SHISA6: variants seen among roughly 807,000 people sequenced by gnomAD.
SHISA6 encodes the protein protein shisa-6.
SHISA6 carries 22 observed loss-of-function variants against 47.9 expected under a neutral mutation model. The observed-to-expected ratio is 0.46, with a 90% CI of 0.33 to 0.66. SHISA6 has a LOEUF of 0.66. Ranked by LOEUF, SHISA6 falls within the 30% of genes least tolerant of loss-of-function variation. The pLI is 0.02. For missense variants in SHISA6, 680 were observed against 764.6 expected (o/e 0.89, Z 1.30); for synonymous variants, 388 against 337.8 (o/e 1.15, Z -1.63).
chr17:11,441,040 C>G (rs968565883), intron 3 of SHISA6, among the ~76,000 whole-genome samples: 9 of 152,134 alleles, frequency 5.9e-5, no homozygotes, highest in African/African-American at 2.2e-4. Flanking sequence ...AAGGTAGTCA[C>G]TCACTGCCAC....
intron 3 of SHISA6, among the ~76,000 whole-genome samples, chr17:11,467,032 G>A (rs1915825959): frequency 6.6e-6 from 1 of 152,202 alleles, no homozygotes; most frequent in African/African-American, 2.4e-5. Context: ...GGAAACATCA[G>A]AAGCTGTAAA....
At chr17:11,251,419 T>C (rs2142137031) in intron 1 of SHISA6, among the ~76,000 whole-genome samples, 1 of 150,590 alleles carries the variant, frequency 6.6e-6, no homozygotes, top group East Asian at 1.9e-4. Flanking sequence ...CTGATTTTAA[T>C]TGAGAAAAAA....
chr17:11,445,991 C>T (rs1179854690), intron 3 of SHISA6, among the ~76,000 whole-genome samples: 1 of 152,122 alleles, frequency 6.6e-6, no homozygotes, highest in Non-Finnish European at 1.5e-5. Context: ...CCACGCCCAG[C>T]TAATTTTTGT....
intron 3 of SHISA6, among the ~76,000 whole-genome samples, chr17:11,425,290 A>G (rs1418488051): frequency 1.3e-5 from 2 of 151,854 alleles, no homozygotes; most frequent in Non-Finnish European, 2.9e-5. Flanking sequence ...ATGAGAGCCC[A>G]TTTCAATTTT....
chr17:11,387,000 T>G (rs1913216991), intron 3 of SHISA6, among the ~76,000 whole-genome samples: 1 of 152,174 alleles, frequency 6.6e-6, no homozygotes, highest in Non-Finnish European at 1.5e-5. Context: ...CTTCAAAGCA[T>G]TTTTCACGAT....
chr17:11,461,709 T>C (rs755519464), intron 3 of SHISA6, among the ~76,000 whole-genome samples: 49 of 152,134 alleles, frequency 3.2e-4, no homozygotes, highest in Non-Finnish European at 5.4e-4. Context: ...CTGTCTCTAG[T>C]TGTCTGGTTC....
At chr17:11,242,357 G>A (rs1907401775) in intron 1 of SHISA6, among the ~76,000 whole-genome samples, 1 of 152,318 alleles carries the variant, frequency 6.6e-6, no homozygotes, top group African/African-American at 2.4e-5. Flanking sequence ...CGTGGATGAG[G>A]ATCCAGGGTT....
At chr17:11,276,635 A>G (rs1336107909) in intron 2 of SHISA6, among the ~76,000 whole-genome samples, 3 of 151,792 alleles carry the variant, frequency 2.0e-5, no homozygotes, top group African/African-American at 7.3e-5. Flanking sequence ...CACCATCACC[A>G]ATACCATCAT....
At chr17:11,267,492 G>A (rs1908469645) in intron 2 of SHISA6, among the ~76,000 whole-genome samples, 1 of 152,112 alleles carries the variant, frequency 6.6e-6, no homozygotes, top group Admixed American at 6.5e-5. Flanking sequence ...ACCAATGCCT[G>A]CCCCCATCCC....
chr17:11,386,795 G>A (rs967484042), intron 3 of SHISA6, among the ~76,000 whole-genome samples: 1 of 152,184 alleles, frequency 6.6e-6, no homozygotes, highest in African/African-American at 2.4e-5. Flanking sequence ...GTGGGTGTAT[G>A]TGATCTTTGC....
chr17:11,493,728 C>T (rs537383832), intron 3 of SHISA6, among the ~76,000 whole-genome samples: 1 of 152,330 alleles, frequency 6.6e-6, no homozygotes, highest in Admixed American at 6.5e-5. Flanking sequence ...CCTCAGCAAC[C>T]TCAGAGCCCC....
At chr17:11,428,779 C>CTTTTT (rs34920362) in intron 3 of SHISA6, among the ~76,000 whole-genome samples, 143 of 95,892 alleles carry the variant, frequency 1.5e-3, no homozygotes, top group African/African-American at 1.9e-3. Flanking sequence ...GATCCACTTT[C>CTTTTT]TTTTTTTTTT....
intron 2 of SHISA6, among the ~76,000 whole-genome samples, chr17:11,279,004 C>T (rs894270813): frequency 6.6e-6 from 1 of 152,136 alleles, no homozygotes; most frequent in African/African-American, 2.4e-5. Context: ...GAGAAGCAGC[C>T]TCGTGTTTTC....
intron 3 of SHISA6, among the ~76,000 whole-genome samples, chr17:11,472,848 T>C (rs1281724095): frequency 6.6e-6 from 1 of 152,206 alleles, no homozygotes; most frequent in African/African-American, 2.4e-5. Context: ...GCTGTCACTG[T>C]TCCAGATTTC....
At chr17:11,481,400 GTAAA>G (rs527493539) in intron 3 of SHISA6, among the ~76,000 whole-genome samples, 1,673 of 145,884 alleles carry the variant, frequency 0.011, 33 homozygotes, top group African/African-American at 0.038. Context: ...AGAAACATAA[GTAAA>G]TATTAGATGG....
At chr17:11,454,870 CT>C (rs1168804281) in intron 3 of SHISA6, among the ~76,000 whole-genome samples, 2 of 152,112 alleles carry the variant, frequency 1.3e-5, no homozygotes, top group Admixed American at 1.3e-4. Context: ...AGCAGGTGTG[CT>C]TTAAAAATGT....
chr17:11,353,744 A>G (rs1373750525), intron 2 of SHISA6, among the ~76,000 whole-genome samples: 2 of 152,210 alleles, frequency 1.3e-5, no homozygotes, highest in Admixed American at 6.5e-5. Context: ...AGGTTAATTT[A>G]TCTGTTCATA....
intron 2 of SHISA6, among the ~76,000 whole-genome samples, chr17:11,343,390 G>A (rs573015709): frequency 6.6e-6 from 1 of 152,298 alleles, no homozygotes; most frequent in African/African-American, 2.4e-5. Flanking sequence ...CTGAAACAAA[G>A]GCTTGTGTAG....
chr17:11,424,079 A>G (rs1365055631), intron 3 of SHISA6, among the ~76,000 whole-genome samples: 4 of 125,538 alleles, frequency 3.2e-5, no homozygotes, highest in East Asian at 2.3e-4. Flanking sequence ...CATATATCTG[A>G]TAAGAGTTTC....
Sources: gnomAD v4.1 joint callset for allele counts (sites outside exome capture counted in the v4.1 genomes callset) on GRCh38, gnomAD v4.1.1 for gene constraint, MANE v1.5 for transcripts, NCBI Gene and HGNC (gene_info 2026-07-23, HGNC 2026-07-21) for gene names.